TENM3: variants seen among roughly 807,000 people sequenced by gnomAD.
TENM3 encodes teneurin-3.
Under a neutral mutation model 255.1 loss-of-function variants are expected in TENM3, and 63 were observed. The ratio of observed to expected loss-of-function variants is 0.25; its 90% CI spans 0.20 to 0.30. TENM3 has a LOEUF of 0.30. Ranked by LOEUF, TENM3 falls within the 10% of genes least tolerant of loss-of-function variation. TENM3 has a pLI of 1.00. For synonymous variants in TENM3, 1,306 were observed against 1,322.3 expected (o/e 0.99, Z 0.27); for missense variants, 2,929 against 3,461.1 (o/e 0.85, Z 3.86).
At chr4:182,088,678 C>CA in the TENM3 span, among the ~76,000 whole-genome samples, 374 of 151,900 alleles carry the variant, frequency 2.5e-3, 1 homozygote, top group Non-Finnish European at 4.3e-3. Context: ...ACTAAAAATA[C>CA]AAAAAATTCA....
At chr4:182,658,584 C>T (rs1753955926) in intron 6 of TENM3, among the ~76,000 whole-genome samples, 1 of 152,206 alleles carries the variant, frequency 6.6e-6, no homozygotes, top group Non-Finnish European at 1.5e-5. Flanking sequence ...ATCTTAAACT[C>T]CACGTGTCTA....
intron 1 of TENM3, among the ~76,000 whole-genome samples, chr4:182,180,634 TC>T (rs1752781518): frequency 6.6e-6 from 1 of 151,432 alleles, no homozygotes; most frequent in Non-Finnish European, 1.5e-5. Context: ...TTTTATTGTT[TC>T]TCTTTTTTTT....
intron 3 of TENM3, among the ~76,000 whole-genome samples, chr4:182,448,763 C>T (rs972685344): frequency 6.6e-6 from 1 of 151,746 alleles, no homozygotes; most frequent in East Asian, 2.0e-4. Flanking sequence ...GCTGGGGGCA[C>T]GGCTGCTCAC....
At chr4:182,651,275 TAA>T (rs1753261593) in intron 5 of TENM3, among the ~76,000 whole-genome samples, 1 of 152,206 alleles carries the variant, frequency 6.6e-6, no homozygotes, top group South Asian at 2.1e-4. Context: ...TATGATGTGA[TAA>T]GTGTTTAGCA....
the TENM3 span, among the ~76,000 whole-genome samples, chr4:181,827,666 G>A: frequency 6.6e-6 from 1 of 152,222 alleles, no homozygotes; most frequent in Non-Finnish European, 1.5e-5. Context: ...GTGAGACTGA[G>A]TGGGTGACCC....
At chr4:182,099,129 CT>C in the TENM3 span, among the ~76,000 whole-genome samples, 1 of 151,442 alleles carries the variant, frequency 6.6e-6, no homozygotes, top group Non-Finnish European at 1.5e-5. Flanking sequence ...GCCCAGCTAA[CT>C]TTTTTTGTAT....
chr4:181,460,196 T>C, the TENM3 span, among the ~76,000 whole-genome samples: 2 of 152,002 alleles, frequency 1.3e-5, no homozygotes, highest in East Asian at 3.9e-4. Context: ...TACTTATTAG[T>C]TCTGTGAACT....
At chr4:182,215,221 G>A (rs1172463390) in intron 1 of TENM3, among the ~76,000 whole-genome samples, 1 of 152,164 alleles carries the variant, frequency 6.6e-6, no homozygotes, top group Non-Finnish European at 1.5e-5. Flanking sequence ...TAGTCTGGTT[G>A]ACTCCTTAGA....
chr4:181,802,694 A>G, the TENM3 span, among the ~76,000 whole-genome samples: 2 of 152,106 alleles, frequency 1.3e-5, no homozygotes. Flanking sequence ...TTCAAATTTA[A>G]TTATCTGTTT....
chr4:181,817,613 AGTGATCGG>A, the TENM3 span, among the ~76,000 whole-genome samples: 1 of 152,166 alleles, frequency 6.6e-6, no homozygotes, highest in Admixed American at 6.5e-5. Flanking sequence ...CCCTTAGGAA[AGTGATCGG>A]GTTACAAAGG....
At chr4:181,534,962 T>C in the TENM3 span, among the ~76,000 whole-genome samples, 6 of 152,170 alleles carry the variant, frequency 3.9e-5, no homozygotes, top group African/African-American at 1.4e-4. Flanking sequence ...GAGCCTTTCT[T>C]TCTGCACAGC....
At chr4:181,934,236 C>T in the TENM3 span, among the ~76,000 whole-genome samples, 4 of 152,106 alleles carry the variant, frequency 2.6e-5, no homozygotes, top group African/African-American at 9.7e-5. Flanking sequence ...CCCATTCTTC[C>T]TTTTGAGTAT....
intron 3 of TENM3, among the ~76,000 whole-genome samples, chr4:182,595,024 G>C (rs1747066201): frequency 6.6e-6 from 1 of 152,046 alleles, no homozygotes; most frequent in African/African-American, 2.4e-5. Context: ...TCTCTTCCCT[G>C]TTCTTGGCAC....
At chr4:181,734,738 G>A in the TENM3 span, among the ~76,000 whole-genome samples, 2 of 152,130 alleles carry the variant, frequency 1.3e-5, 1 homozygote, top group African/African-American at 4.8e-5. Flanking sequence ...TTGAGAATAT[G>A]AGAATAAGAG....
the TENM3 span, among the ~76,000 whole-genome samples, chr4:182,100,480 C>CAT: frequency 6.2e-4 from 86 of 139,014 alleles, 1 homozygote; most frequent in South Asian, 1.6e-3. Flanking sequence ...CACACACACA[C>CAT]ACATATATAT....
At chr4:182,554,342 C>T (rs189994929) in intron 3 of TENM3, among the ~76,000 whole-genome samples, 199 of 152,336 alleles carry the variant, frequency 1.3e-3, no homozygotes, top group African/African-American at 4.5e-3. Flanking sequence ...TAACTGACCT[C>T]ATCCCATCTG....
intron 12 of TENM3, among the ~76,000 whole-genome samples, chr4:182,701,445 C>T (rs915262890): frequency 2.0e-5 from 3 of 151,898 alleles, no homozygotes; most frequent in Non-Finnish European, 2.9e-5. Flanking sequence ...TGGTCTCAAG[C>T]TCCTGACCTC....
intron 1 of TENM3, among the ~76,000 whole-genome samples, chr4:182,304,144 A>G (rs1014737943): frequency 1.3e-5 from 2 of 152,102 alleles, no homozygotes; most frequent in African/African-American, 4.8e-5. Flanking sequence ...AGTCAAAGAA[A>G]ATGAGCTAAA....
chr4:182,314,594 A>G (rs969089180), intron 1 of TENM3, among the ~76,000 whole-genome samples: 2 of 152,108 alleles, frequency 1.3e-5, no homozygotes, highest in African/African-American at 4.8e-5. Flanking sequence ...TTTATGTTTA[A>G]TGTGATTATT....
Sources: allele counts gnomAD v4.1 joint callset (sites outside exome capture counted in the v4.1 genomes callset), GRCh38; gene constraint gnomAD v4.1.1; transcripts MANE v1.5; gene names NCBI Gene and HGNC (gene_info 2026-07-23, HGNC 2026-07-21).